MEGF6: variants seen among roughly 807,000 people sequenced by gnomAD.
The protein encoded by MEGF6 is multiple EGF like domains 6, also known as multiple epidermal growth factor-like domains protein 6.
A neutral mutation model predicts 207.1 loss-of-function variants in MEGF6; 184 were observed. The observed-to-expected ratio is 0.89, with a 90% CI of 0.79 to 1.00. The LOEUF is 1.00. MEGF6 is among the 50% of genes least tolerant of loss of function. The pLI, the probability that MEGF6 is intolerant of heterozygous loss-of-function variation, is 0.00. For missense variants in MEGF6, 2,282 were observed against 2,202.9 expected (o/e 1.04, Z -0.72); for synonymous variants, 1,038 against 910.0 (o/e 1.14, Z -2.53).
Position 3,509,124 on chromosome 1 carries a change from A to C in MEGF6, c.1479T>G (p.Asp493Glu), listed in dbSNP as rs750064131. Residue 493 changes from aspartate (D) to glutamate (E), a missense_variant, in exon 12 of 37, where the codon GAT becomes GAG. By Grantham distance (45) the Asp-to-Glu change is conservative (BLOSUM62 2). Coordinates refer to ENST00000356575, the MANE Select transcript of MEGF6 (RefSeq NM_001409.4). The part of the protein sequence containing the change: ...QLFQDDDVGA[D>E]EEEAELRGEH... ...CGCCCCGCAACTCTGCCTCTTCCTC[A>C]TCGGCCCCGACGTCGTCATCCTGGA... 6.2e-7 allele frequency: 1 copy of C among 1,601,878 alleles called. No individual in the cohort carries two copies. The highest frequency in any genetic ancestry group is 2.3e-5 in the East Asian group (1 of 44,066).
At position 3,573,654 on chromosome 1, in the gene MEGF6, T is replaced by C. The variant is rs774605371; in HGVS notation, c.481+6171A>G. ...ATGGAGAGAGGCTGTGAAAAGAACA[T>C]CCCTGCCCCAGAGCCCGCCCTTCCA... On this transcript the variant is annotated intron_variant, in intron 4 of 36. Coordinates refer to ENST00000356575, the MANE Select transcript of MEGF6 (RefSeq NM_001409.4). The surrounding 1 kb of genome is among the most constrained non-coding windows in gnomAD (Gnocchi z 5.1). 6.6e-6 allele frequency among the ~76,000 whole-genome samples: 1 copy of C among 151,824 alleles called. No individual in the cohort carries two copies. The highest frequency in any genetic ancestry group is 2.4e-5 in the African/African-American group (1 of 41,322).
At chr1:3,617,949 G>A in the MEGF6 span, among the ~76,000 whole-genome samples, 11 of 152,272 alleles carry the variant, frequency 7.2e-5, no homozygotes, top group South Asian at 1.0e-3. Flanking sequence ...ACTCCTGAGT[G>A]AGGCACCCAA....
chr1:3,505,130 G>C, intron 17 of MEGF6, 78 bp downstream of exon 17: 1 of 1,559,060 alleles, frequency 6.4e-7, no homozygotes, highest in South Asian at 1.2e-5. Context: ...CAGCCCTTCT[G>C]AAGCCTACCC....
chr1:3,573,258 T>C lies in MEGF6; in HGVS notation c.481+6567A>G, dbSNP rs995883755. ...CCCAGGTTTGCTGGGTCCTCCCAGGTGTGCTGGGTCCCCCCGCCAGGTAAC... is the reference window on the plus strand; with the variant it reads ...CCCAGGTTTGCTGGGTCCTCCCAGGCGTGCTGGGTCCCCCCGCCAGGTAAC... On this transcript the variant is annotated intron_variant, in intron 4 of 36. Coordinates refer to ENST00000356575, the MANE Select transcript of MEGF6 (RefSeq NM_001409.4). This position sits in a 1 kb window ranked among gnomAD's most constrained non-coding sequence, Gnocchi z 5.1. Among the ~76,000 whole-genome samples the C allele has an allele frequency of 6.6e-6, 1 of 152,114 alleles. No individual in the cohort carries two copies. Among genetic ancestry groups the C allele is most frequent in the African/African-American group, 2.4e-5 (1 of 41,414 alleles).
intron 4 of MEGF6, among the ~76,000 whole-genome samples, chr1:3,525,725 CCT>C (rs1396690446): frequency 1.3e-5 from 2 of 152,238 alleles, no homozygotes; most frequent in Non-Finnish European, 2.9e-5. Flanking sequence ...GCATCCTTCC[CCT>C]GAGACCCTGC....
rs774066903 is a variant in MEGF6, at chr1:3,512,143, C to T, written c.854-15G>A. 2.5e-6 allele frequency: 4 copies of T among 1,591,334 alleles called. No individual in the cohort carries two copies. The African/African-American group carries it at 5.4e-5, about 21-fold the overall frequency. ...TTCGTCCACATCTGGAGGGGAGAGA[C>T]CACAGGGAGGGCTCAGAGGTGCCAG... On this transcript the variant is annotated splice_polypyrimidine_tract_variant and intron_variant, in intron 7 of 36. Coordinates refer to ENST00000356575, the MANE Select transcript of MEGF6 (RefSeq NM_001409.4).
chr1:3,571,446 C>CA (rs539234054), intron 4 of MEGF6, among the ~76,000 whole-genome samples: 266 of 152,156 alleles, frequency 1.7e-3, no homozygotes, highest in South Asian at 8.3e-3. Context: ...ACATCCCCCC[C>CA]AGACACGCTG....
chr1:3,536,512 C>T (rs535363577), intron 4 of MEGF6, among the ~76,000 whole-genome samples: 39 of 152,310 alleles, frequency 2.6e-4, no homozygotes, highest in African/African-American at 9.4e-4. Flanking sequence ...CAGCAGCCCA[C>T]CGGTAGAGAG....
At chr1:3,517,416 T>C (rs1356588225) in intron 5 of MEGF6, among the ~76,000 whole-genome samples, 1 of 152,192 alleles carries the variant, frequency 6.6e-6, no homozygotes, top group Non-Finnish European at 1.5e-5. Flanking sequence ...CCTGTCCTCT[T>C]GCCACTCCAG....
At chr1:3,530,980 G>T (rs1235874210) in intron 4 of MEGF6, 24 of 1,374,412 alleles carry the variant, frequency 1.7e-5, no homozygotes, top group Non-Finnish European at 2.2e-5. Flanking sequence ...CAGCCTAGCA[G>T]GCAGCGCCCT....
rs138909013 is a variant in MEGF6 at position 3,605,495 on chromosome 1, TACAC to T, written c.132-2899_132-2896del. Reference sequence around the variant, plus strand: ...ACACACATATACACAATTACACACATACACACACAATCACACACATACACATTCA... The same window carrying T: ...ACACACATATACACAATTACACACATACACAATCACACACATACACATTCA... On this transcript the variant is annotated intron_variant, in intron 1 of 36. Transcript: ENST00000356575. Among the ~76,000 whole-genome samples, 351 of 150,226 alleles carry T rather than the reference TACAC, an allele frequency of 2.3e-3. 1 individual carries two copies. The highest frequency in any genetic ancestry group is 2.9e-3 in the Non-Finnish European group (194 of 67,500).
intron 5 of MEGF6, among the ~76,000 whole-genome samples, chr1:3,518,444 G>A (rs1370411688): frequency 6.6e-6 from 1 of 152,182 alleles, no homozygotes; most frequent in African/African-American, 2.4e-5. Flanking sequence ...AGGTAAAGGG[G>A]CCTCCTTCCG....
chr1:3,566,656 A>C (rs529333271), intron 4 of MEGF6, among the ~76,000 whole-genome samples: 1 of 152,140 alleles, frequency 6.6e-6, no homozygotes, highest in South Asian at 2.1e-4. Flanking sequence ...ACTTCACGCT[A>C]TGAGCCCCCC....
rs530378190 is a variant in MEGF6, at chr1:3,602,616, G to A, written c.132-16C>T. On this transcript the variant is annotated splice_polypyrimidine_tract_variant and intron_variant, in intron 1 of 36. Transcript: ENST00000356575. The stretch of plus-strand genomic sequence containing the variant: ...CACGTGGGGCCTGGAACAGAGACAC[G>A]GAGAGTCAGCGCCTCGGCCACCCCC... 95 of 1,593,816 alleles carry A rather than the reference G, an allele frequency of 6.0e-5. No homozygotes were observed. The East Asian group carries it at 1.3e-3, about 22-fold the overall frequency.
At chr1:3,501,691 A>G (rs1640875179) in intron 18 of MEGF6, 105 bp downstream of exon 18, 1 of 1,434,338 alleles carries the variant, frequency 7.0e-7, no homozygotes, top group East Asian at 2.5e-5. Context: ...CCTGCTATAG[A>G]CGGGCCTGGG....
chr1:3,495,859 T>C (rs575420657), intron 30 of MEGF6, 31 bp downstream of exon 30: 1 of 1,593,314 alleles, frequency 6.3e-7, no homozygotes, highest in Non-Finnish European at 8.5e-7. Flanking sequence ...GTGAAGGGCC[T>C]GTGAGCATGC....
At chr1:3,577,423 A>C (rs955502679) in intron 4 of MEGF6, among the ~76,000 whole-genome samples, 1 of 152,256 alleles carries the variant, frequency 6.6e-6, no homozygotes, top group Non-Finnish European at 1.5e-5. Context: ...CTCCTCAGAC[A>C]GACCTGGCTT....
intron 4 of MEGF6, among the ~76,000 whole-genome samples, chr1:3,570,639 C>T (rs1304322401): frequency 6.6e-6 from 1 of 152,200 alleles, no homozygotes; most frequent in Admixed American, 6.5e-5. Context: ...ACAACCACTG[C>T]ACCACCAACC....
intron 4 of MEGF6, among the ~76,000 whole-genome samples, chr1:3,525,345 G>A (rs556212094): frequency 6.6e-6 from 1 of 152,376 alleles, no homozygotes; most frequent in Non-Finnish European, 1.5e-5. Context: ...AGGGGAGTAG[G>A]AGAGCAGGAA....
Sources: gnomAD v4.1 joint callset for allele counts (sites outside exome capture counted in the v4.1 genomes callset) on GRCh38, gnomAD v4.1.1 for gene constraint, Gnocchi (gnomAD v3.1) non-coding constraint, MANE v1.5 for transcripts, NCBI Gene and HGNC (gene_info 2026-07-23, HGNC 2026-07-21) for gene names.